Variants in MCU observed in about 807,000 individuals in gnomAD.
MCU encodes mitochondrial calcium uniporter.
A neutral mutation model predicts 45.2 loss-of-function variants in MCU; 12 were observed. The ratio of observed to expected loss-of-function variants is 0.27; its 90% CI spans 0.17 to 0.43. The LOEUF (loss-of-function observed/expected upper bound fraction) is 0.43. Among genes scored for constraint, MCU ranks in the 20% least tolerant of loss-of-function variants. The pLI, the probability that MCU is intolerant of heterozygous loss-of-function variation, is 1.00. For synonymous variants in MCU, 160 were observed against 165.1 expected, an observed-to-expected ratio of 0.97 and a Z score of 0.24; for missense variants, 324 against 436.7, an observed-to-expected ratio of 0.74 and a Z score of 2.30.
chr10:72,860,928 T>C (rs900419638), intron 4 of MCU, among the ~76,000 whole-genome samples: 3 of 152,198 alleles, frequency 2.0e-5, no homozygotes. Flanking sequence ...GTATTGAGCT[T>C]TTTTTATGGC....
At chr10:72,861,496 G>A (rs1845374686) in intron 4 of MCU, among the ~76,000 whole-genome samples, 1 of 151,502 alleles carries the variant, frequency 6.6e-6, no homozygotes, top group Admixed American at 6.6e-5. Flanking sequence ...ACATGACACT[G>A]GCTTACTGCA....
chr10:72,763,748 C>T (rs79483863), intron 1 of MCU, among the ~76,000 whole-genome samples: 3 of 152,018 alleles, frequency 2.0e-5, no homozygotes, highest in Non-Finnish European at 4.4e-5. Context: ...AATAGGCTGG[C>T]GGTAAAGAGA....
At chr10:72,795,036 T>C (rs965549344) in intron 1 of MCU, among the ~76,000 whole-genome samples, 2 of 152,224 alleles carry the variant, frequency 1.3e-5, no homozygotes, top group Non-Finnish European at 2.9e-5. Flanking sequence ...AAAATTTTCC[T>C]TGAAAATGAG....
At chr10:72,805,175 C>CCTTCCTTCCTTCCTTCCTTCCT (rs1564562364) in intron 1 of MCU, among the ~76,000 whole-genome samples, 1 of 126,576 alleles carries the variant, frequency 7.9e-6, no homozygotes, top group African/African-American at 4.1e-5. Flanking sequence ...CTCTCTCTCT[C>CCTTCCTTCCTTCCTTCCTTCCT]TCTTTCCTTC....
At chr10:72,796,206 G>T (rs1348085426) in intron 1 of MCU, among the ~76,000 whole-genome samples, 1 of 152,066 alleles carries the variant, frequency 6.6e-6, no homozygotes, top group East Asian at 1.9e-4. Flanking sequence ...TGGGAGGCCA[G>T]TGTGGGAGGA....
chr10:72,812,345 C>T (rs1452657790), intron 1 of MCU, among the ~76,000 whole-genome samples: 1 of 152,036 alleles, frequency 6.6e-6, no homozygotes, highest in African/African-American at 2.4e-5. Context: ...GGGGTTTCAC[C>T]ATGTTGGCCA....
At chr10:72,717,465 GC>G (rs1196315800) in intron 1 of MCU, among the ~76,000 whole-genome samples, 1 of 151,928 alleles carries the variant, frequency 6.6e-6, no homozygotes, top group Non-Finnish European at 1.5e-5. Context: ...CACCATGTTG[GC>G]CAGGCTGGTC....
At chr10:72,701,566 G>A (rs184388050) in intron 1 of MCU, among the ~76,000 whole-genome samples, 1 of 151,830 alleles carries the variant, frequency 6.6e-6, no homozygotes, top group Admixed American at 6.6e-5. Context: ...TTACTCTGTC[G>A]CCCAGGCTGG....
chr10:72,704,743 C>T (rs187659627), intron 1 of MCU, among the ~76,000 whole-genome samples: 196 of 119,676 alleles, frequency 1.6e-3, no homozygotes, highest in Non-Finnish European at 2.5e-3. Context: ...GAGACGGAGT[C>T]TCGCTCTGTA....
chr10:72,693,917 T>C (rs1842656151), intron 1 of MCU, among the ~76,000 whole-genome samples: 1 of 152,250 alleles, frequency 6.6e-6, no homozygotes, highest in Non-Finnish European at 1.5e-5. Context: ...TGCACAGTTT[T>C]TAAGACTGTT....
rs1448238252 is a variant in MCU, at chr10:72,872,062, G to T, written c.861+482G>T. On this transcript the variant is annotated intron_variant, in intron 6 of 7. Transcript: ENST00000373053. ...GTATGTTGAAAGGAAAGGTGTTGTT[G>T]TTGTTGTTGTTTCCATTATGGAAGA... Among the ~76,000 whole-genome samples, 3 of 152,134 alleles carry T rather than the reference G, an allele frequency of 2.0e-5. No homozygotes were observed. The East Asian group carries it at 5.8e-4, about 29-fold the overall frequency.
intron 1 of MCU, among the ~76,000 whole-genome samples, chr10:72,774,342 A>G (rs1233709700): frequency 2.0e-5 from 3 of 152,274 alleles, no homozygotes; most frequent in Non-Finnish European, 4.4e-5. Context: ...ATCTCTTTAA[A>G]ATAGCTTCTT....
intron 4 of MCU, among the ~76,000 whole-genome samples, chr10:72,865,954 T>G (rs943570716): frequency 6.6e-6 from 1 of 152,058 alleles, no homozygotes; most frequent in Admixed American, 6.5e-5. Flanking sequence ...TTTTTTTGTA[T>G]TTTTAGTAGA....
At chr10:72,697,980 A>G (rs181693798) in intron 1 of MCU, among the ~76,000 whole-genome samples, 3 of 150,008 alleles carry the variant, frequency 2.0e-5, no homozygotes, top group Admixed American at 1.3e-4. Context: ...CAGTCTTGCT[A>G]TGTTGCCCAA....
chr10:72,859,427 C>T, intron 3 of MCU, 80 bp downstream of exon 3: 2 of 1,315,564 alleles, frequency 1.5e-6, no homozygotes, highest in Non-Finnish European at 2.1e-6. Context: ...ATACACCACA[C>T]ACGTAGCTAC....
chr10:72,717,385 A>G (rs1327937869), intron 1 of MCU, among the ~76,000 whole-genome samples: 2 of 151,536 alleles, frequency 1.3e-5, no homozygotes, highest in Non-Finnish European at 2.9e-5. Flanking sequence ...TCAGCCTCCT[A>G]AGTAGCTGGG....
intron 1 of MCU, chr10:72,757,110 G>C (rs553402422): frequency 2.0e-5 from 3 of 152,182 alleles, no homozygotes; most frequent in African/African-American, 7.2e-5. Flanking sequence ...ACATTGTCAA[G>C]TGAGTGGTTT....
intron 1 of MCU, among the ~76,000 whole-genome samples, chr10:72,827,728 C>G (rs887792210): frequency 7.2e-5 from 11 of 151,970 alleles, no homozygotes; most frequent in Non-Finnish European, 1.3e-4. Context: ...TGTCACTTTC[C>G]TTAAGTGAAA....
chr10:72,807,979 T>G (rs953704276), intron 1 of MCU, among the ~76,000 whole-genome samples: 1 of 152,164 alleles, frequency 6.6e-6, no homozygotes, highest in Non-Finnish European at 1.5e-5. Context: ...ATAAGCAACA[T>G]GAAATAGGAA....
Sources: gnomAD v4.1 joint callset for allele counts (sites outside exome capture counted in the v4.1 genomes callset) on GRCh38, gnomAD v4.1.1 for gene constraint, MANE v1.5 for transcripts, NCBI Gene and HGNC (gene_info 2026-07-23, HGNC 2026-07-21) for gene names.